SH3RF1: variants seen among roughly 807,000 people sequenced by gnomAD.
SH3RF1 encodes the protein E3 ubiquitin-protein ligase SH3RF1.
In SH3RF1, 32 loss-of-function variants were observed where a neutral mutation model predicts 74.0. The observed-to-expected ratio is 0.43, with a 90% CI of 0.33 to 0.58. The LOEUF (loss-of-function observed/expected upper bound fraction) is 0.58. Ranked by LOEUF, SH3RF1 falls within the 20% of genes least tolerant of loss-of-function variation. The pLI is 0.05. For synonymous variants in SH3RF1, 396 were observed against 439.6 expected, an observed-to-expected ratio of 0.90 and a Z score of 1.24; for missense variants, 954 against 1,130.9, an observed-to-expected ratio of 0.84 and a Z score of 2.24.
rs1348576272 is a variant in SH3RF1, at chr4:169,268,964, A to C, written c.249T>G (p.Pro83=). The C allele has an allele frequency of 7.4e-6, 12 of 1,614,186 alleles. No homozygotes were observed. In the African/African-American group the frequency reaches 1.6e-4, roughly 22 times the overall value. The part of the protein sequence containing the change: ...LDGIKQRPWK[P]GPGGGSGTNC... ...TGGTCCCACTTCCCCCACCAGGACC[A>C]GGTTTCCAAGGCCTCTGTTTGATGC... Residue 83 remains proline, a synonymous_variant, in exon 2 of 12, where the codon CCT becomes CCG. Coordinates refer to ENST00000284637, the MANE Select transcript of SH3RF1 (RefSeq NM_020870.4).
At chr4:169,263,282 A>G (rs1261337348) in intron 2 of SH3RF1, among the ~76,000 whole-genome samples, 1 of 152,232 alleles carries the variant, frequency 6.6e-6, no homozygotes, top group East Asian at 1.9e-4. Context: ...ACCCCATCAT[A>G]GATAGAGACT....
At chr4:169,225,810 A>C (rs1217170506) in intron 2 of SH3RF1, among the ~76,000 whole-genome samples, 3 of 152,192 alleles carry the variant, frequency 2.0e-5, no homozygotes, top group Admixed American at 6.5e-5. Context: ...TGCAGAGCTT[A>C]AAGAGCAGAA....
At chr4:169,219,651 T>C (rs1039825475) in intron 2 of SH3RF1, among the ~76,000 whole-genome samples, 3 of 152,178 alleles carry the variant, frequency 2.0e-5, no homozygotes, top group Non-Finnish European at 4.4e-5. Flanking sequence ...TCAGGCCTAT[T>C]TGCAGGCAGA....
intron 2 of SH3RF1, among the ~76,000 whole-genome samples, chr4:169,209,640 G>T (rs896126429): frequency 6.6e-6 from 1 of 152,018 alleles, no homozygotes; most frequent in Non-Finnish European, 1.5e-5. Context: ...TCAAACCCTG[G>T]TCCCACCATT....
chr4:169,181,910 C>T (rs1389366742), intron 2 of SH3RF1, among the ~76,000 whole-genome samples: 1 of 152,168 alleles, frequency 6.6e-6, no homozygotes, highest in Non-Finnish European at 1.5e-5. Context: ...CATCACATAT[C>T]CATCTAACAT....
chr4:169,213,771 T>A (rs1245629350), intron 2 of SH3RF1, among the ~76,000 whole-genome samples: 1 of 152,376 alleles, frequency 6.6e-6, no homozygotes, highest in East Asian at 1.9e-4. Context: ...TTGAAAACAC[T>A]GTCTTTTCTC....
intron 4 of SH3RF1, among the ~76,000 whole-genome samples, chr4:169,150,269 T>A (rs1056215833): frequency 5.3e-5 from 8 of 152,242 alleles, no homozygotes; most frequent in African/African-American, 1.9e-4. Context: ...CTGTCCTACC[T>A]CAGCTCAAAG....
At chr4:169,171,883 G>T (rs1734334339) in intron 2 of SH3RF1, among the ~76,000 whole-genome samples, 1 of 152,188 alleles carries the variant, frequency 6.6e-6, no homozygotes, top group Non-Finnish European at 1.5e-5. Context: ...TAGAGGTGGG[G>T]CAGGGTCTGG....
chr4:169,197,897 G>A (rs1001414537), intron 2 of SH3RF1, among the ~76,000 whole-genome samples: 5 of 152,052 alleles, frequency 3.3e-5, no homozygotes, highest in African/African-American at 1.2e-4. Flanking sequence ...CTCTGATCAA[G>A]ATAAAATACA....
At position 169,239,774 on chromosome 4, in the gene SH3RF1, A is replaced by G. The variant is rs1370317267; in HGVS notation, c.393+29046T>C. 4.6e-5 allele frequency among the ~76,000 whole-genome samples: 7 copies of G among 152,176 alleles called. No individual in the cohort carries two copies. The East Asian group carries it at 1.3e-3, about 29-fold the overall frequency. ...AGTGGCTGACTCCAGCAATCCCAGC[A>G]TTTTGGGAGGCTGAGGCTGGTGGAT... is the stretch of plus-strand genomic sequence containing the variant. On this transcript the variant is annotated intron_variant, in intron 2 of 11. Transcript: ENST00000284637.
At chr4:169,258,008 T>A (rs925692923) in intron 2 of SH3RF1, among the ~76,000 whole-genome samples, 14 of 152,220 alleles carry the variant, frequency 9.2e-5, no homozygotes, top group Non-Finnish European at 2.1e-4. Context: ...CAAGATCATA[T>A]CCAGGTGCCA....
At chr4:169,218,254 TTA>T in intron 2 of SH3RF1, among the ~76,000 whole-genome samples, 1 of 142,828 alleles carries the variant, frequency 7.0e-6, no homozygotes, top group South Asian at 2.1e-4. Context: ...TAGAATATGT[TTA>T]TATATAATAT....
chr4:169,264,153 A>G (rs1437432053), intron 2 of SH3RF1, among the ~76,000 whole-genome samples: 1 of 152,202 alleles, frequency 6.6e-6, no homozygotes, highest in East Asian at 1.9e-4. Flanking sequence ...CTTAAACAAC[A>G]AAAATGTATT....
intron 2 of SH3RF1, among the ~76,000 whole-genome samples, chr4:169,194,573 C>T (rs974869189): frequency 1.6e-4 from 24 of 152,176 alleles, no homozygotes; most frequent in African/African-American, 5.5e-4. Context: ...TTGAAGCATA[C>T]TATTCCACTA....
chr4:169,112,035 G>C lies in SH3RF1; in HGVS notation c.2139+4234C>G, dbSNP rs748883953. 1.4e-4 allele frequency among the ~76,000 whole-genome samples: 21 copies of C among 152,172 alleles called. 1 individual carries two copies. Among genetic ancestry groups the C allele is most frequent in the Non-Finnish European group, 3.1e-4 (21 of 68,032 alleles). On this transcript the variant is annotated intron_variant, in intron 10 of 11. Coordinates refer to ENST00000284637, the MANE Select transcript of SH3RF1 (RefSeq NM_020870.4). ...CATTACAAAATTATATTTCTCTGTGGAACAGCAGCAGTAACCCACTGCAGA... is the reference window on the plus strand; with the variant it reads ...CATTACAAAATTATATTTCTCTGTGCAACAGCAGCAGTAACCCACTGCAGA...
intron 2 of SH3RF1, among the ~76,000 whole-genome samples, chr4:169,183,160 C>T (rs1734541679): frequency 6.6e-6 from 1 of 152,124 alleles, no homozygotes; most frequent in African/African-American, 2.4e-5. Flanking sequence ...ATTAGCCAGG[C>T]ATGGTGGAAG....
chr4:169,222,629 A>G (rs1300801633), intron 2 of SH3RF1, among the ~76,000 whole-genome samples: 1 of 151,980 alleles, frequency 6.6e-6, no homozygotes, highest in Non-Finnish European at 1.5e-5. Flanking sequence ...TACTGTAACA[A>G]AATAATAACA....
intron 2 of SH3RF1, among the ~76,000 whole-genome samples, chr4:169,257,630 G>A (rs1731213017): frequency 6.6e-6 from 1 of 152,184 alleles, no homozygotes; most frequent in Non-Finnish European, 1.5e-5. Context: ...TAAAAACTGA[G>A]AAAAGAAATA....
chr4:169,105,184 A>G (rs1265146534), intron 11 of SH3RF1, among the ~76,000 whole-genome samples: 2 of 152,192 alleles, frequency 1.3e-5, no homozygotes, highest in African/African-American at 4.8e-5. Flanking sequence ...TCCACAAAGC[A>G]GAAATTTGCT....
Sources: gnomAD v4.1 joint callset for allele counts (sites outside exome capture counted in the v4.1 genomes callset) on GRCh38, gnomAD v4.1.1 for gene constraint, MANE v1.5 for transcripts, NCBI Gene and HGNC (gene_info 2026-07-23, HGNC 2026-07-21) for gene names.